The following FGF12 variants were observed in gnomAD, a reference collection of about 807,000 sequenced individuals.
FGF12 encodes fibroblast growth factor 12.
A neutral mutation model predicts 23.6 loss-of-function variants in FGF12; 14 were observed. The observed-to-expected ratio is 0.59, with a 90% CI of 0.39 to 0.93. The LOEUF is 0.93. FGF12 is among the 40% of genes least tolerant of loss of function. FGF12 has a pLI of 0.00. For missense variants in FGF12, 175 were observed against 217.8 expected, an observed-to-expected ratio of 0.80 and a Z score of 1.24; for synonymous variants, 62 against 77.3, an observed-to-expected ratio of 0.80 and a Z score of 1.04.
chr3:192,577,491 T>C (rs570387506), intron 2 of FGF12, among the ~76,000 whole-genome samples: 2 of 152,338 alleles, frequency 1.3e-5, no homozygotes, highest in South Asian at 4.1e-4. Flanking sequence ...CTGCCAACTT[T>C]ACCTGGAATG....
chr3:192,473,985 G>A (rs1014811003), intron 2 of FGF12, among the ~76,000 whole-genome samples: 4 of 152,184 alleles, frequency 2.6e-5, no homozygotes, highest in African/African-American at 9.7e-5. Context: ...CGCTCATGGT[G>A]TGTGAGCATG....
intron 4 of FGF12, among the ~76,000 whole-genome samples, chr3:192,181,378 G>GAC (rs35246455): frequency 0.18 from 25,925 of 147,186 alleles, 2,355 homozygotes; most frequent in African/African-American, 0.22. Context: ...CACACACACA[G>GAC]ACACACACAC....
chr3:192,481,281 G>A (rs1723471975), intron 2 of FGF12, among the ~76,000 whole-genome samples: 1 of 151,932 alleles, frequency 6.6e-6, no homozygotes, highest in Non-Finnish European at 1.5e-5. Context: ...AAATGAAAAA[G>A]AGCATAAATA....
intron 5 of FGF12, among the ~76,000 whole-genome samples, chr3:192,149,441 T>A (rs1713920620): frequency 7.6e-6 from 1 of 131,424 alleles, no homozygotes; most frequent in Non-Finnish European, 1.6e-5. Flanking sequence ...ATTAGGTATA[T>A]CTCCCAATGC....
intron 4 of FGF12, among the ~76,000 whole-genome samples, chr3:192,221,164 T>G (rs1718452661): frequency 6.6e-6 from 1 of 152,210 alleles, no homozygotes; most frequent in Non-Finnish European, 1.5e-5. Context: ...ATTTCCTCTT[T>G]GCTAGAGTTG....
intron 2 of FGF12, among the ~76,000 whole-genome samples, chr3:192,367,457 A>ACT (rs1333788543): frequency 1.3e-5 from 2 of 152,220 alleles, no homozygotes; most frequent in Admixed American, 6.5e-5. Context: ...TTAGGGTTAG[A>ACT]AAATGTTCAT....
intron 4 of FGF12, among the ~76,000 whole-genome samples, chr3:192,266,450 A>G (rs148873322): frequency 1.2e-4 from 19 of 152,256 alleles, no homozygotes; most frequent in African/African-American, 4.6e-4. Context: ...GCAACATGTT[A>G]TCTAGGAGGT....
At chr3:192,339,481 C>CA (rs1717587076) in intron 3 of FGF12, among the ~76,000 whole-genome samples, 2 of 152,288 alleles carry the variant, frequency 1.3e-5, no homozygotes, top group African/African-American at 4.8e-5. Flanking sequence ...CCCACATTTC[C>CA]AGCTTATCAC....
intron 4 of FGF12, among the ~76,000 whole-genome samples, chr3:192,223,269 A>G (rs1718563615): frequency 6.6e-6 from 1 of 152,252 alleles, no homozygotes; most frequent in East Asian, 1.9e-4. Flanking sequence ...CATTTTAGAA[A>G]AGTCTATTTT....
chr3:192,265,840 T>C (rs1390145815), intron 4 of FGF12, among the ~76,000 whole-genome samples: 1 of 152,062 alleles, frequency 6.6e-6, no homozygotes, highest in African/African-American at 2.4e-5. Context: ...GACACAATAA[T>C]GAAAAAAAGA....
chr3:192,608,992 A>C (rs1273116816), intron 2 of FGF12, among the ~76,000 whole-genome samples: 1 of 152,164 alleles, frequency 6.6e-6, no homozygotes, highest in Admixed American at 6.6e-5. Context: ...TATAATGGGC[A>C]TCCAGCTTAA....
At chr3:192,350,004 A>T (rs577056017) in intron 3 of FGF12, among the ~76,000 whole-genome samples, 1 of 152,260 alleles carries the variant, frequency 6.6e-6, no homozygotes, top group South Asian at 2.1e-4. Context: ...ATTCTAATTA[A>T]ATCTTTTGGT....
At chr3:192,348,401 G>C (rs911563795) in intron 3 of FGF12, among the ~76,000 whole-genome samples, 1 of 152,008 alleles carries the variant, frequency 6.6e-6, no homozygotes, top group Non-Finnish European at 1.5e-5. Context: ...TCTCAAATCA[G>C]ATATATGAAA....
chr3:192,656,465 A>G (rs1428708202), intron 2 of FGF12, among the ~76,000 whole-genome samples: 1 of 152,168 alleles, frequency 6.6e-6, no homozygotes, highest in Non-Finnish European at 1.5e-5. Flanking sequence ...TCTCTAGTGC[A>G]GTGGTTCTCA....
At chr3:192,157,606 C>T (rs921699962) in intron 5 of FGF12, among the ~76,000 whole-genome samples, 5 of 152,130 alleles carry the variant, frequency 3.3e-5, no homozygotes, top group South Asian at 2.1e-4. Context: ...TCCTTGCCAT[C>T]GTGATGGCTC....
chr3:192,246,908 GAA>G (rs1711626194), intron 4 of FGF12, among the ~76,000 whole-genome samples: 1 of 132,490 alleles, frequency 7.5e-6, no homozygotes, highest in African/African-American at 3.0e-5. Context: ...AAAGAAGAAA[GAA>G]AGAGAAAAAG....
intron 2 of FGF12, among the ~76,000 whole-genome samples, chr3:192,377,957 G>GA (rs1374007728): frequency 6.6e-6 from 1 of 151,118 alleles, no homozygotes; most frequent in Non-Finnish European, 1.5e-5. Context: ...CCTAGTGCAG[G>GA]AAAAAATGTC....
chr3:192,357,826 TGA>T (rs1344221802), intron 3 of FGF12, among the ~76,000 whole-genome samples: 1 of 152,092 alleles, frequency 6.6e-6, no homozygotes, highest in African/African-American at 2.4e-5. Context: ...AGTTCCAAGG[TGA>T]GAAGTGTAAT....
At chr3:192,219,884 T>C (rs1039773501) in intron 4 of FGF12, among the ~76,000 whole-genome samples, 1 of 152,240 alleles carries the variant, frequency 6.6e-6, no homozygotes, top group Non-Finnish European at 1.5e-5. Context: ...TTGAAGATCC[T>C]CTAACTGAGT....
Sources: gnomAD v4.1 joint callset for allele counts (sites outside exome capture counted in the v4.1 genomes callset) on GRCh38, gnomAD v4.1.1 for gene constraint, MANE v1.5 for transcripts, NCBI Gene and HGNC (gene_info 2026-07-23, HGNC 2026-07-21) for gene names.